SH2D3C: variants seen among roughly 807,000 people sequenced by gnomAD.
SH2D3C encodes SH2 domain containing 3C, also known as SH2 domain-containing protein 3C.
SH2D3C carries 25 observed loss-of-function variants against 75.2 expected under a neutral mutation model. That is an observed-to-expected ratio of 0.33 (90% CI 0.24 to 0.46). The LOEUF (loss-of-function observed/expected upper bound fraction) is 0.46, where lower values mean the gene tolerates loss of function less well. Among genes scored for constraint, SH2D3C ranks in the 20% least tolerant of loss-of-function variants. SH2D3C has a pLI of 1.00. For missense variants in SH2D3C, 933 were observed against 1,165.3 expected (o/e 0.80, Z 2.90); for synonymous variants, 450 against 473.7 (o/e 0.95, Z 0.65).
Position 127,754,569 on chromosome 9 carries a change from A to G in SH2D3C, c.556-3269T>C, listed in dbSNP as rs914464561. Among the ~76,000 whole-genome samples, 4 of 151,978 alleles carry G rather than the reference A, an allele frequency of 2.6e-5. No individual in the cohort carries two copies. Among genetic ancestry groups the G allele is most frequent in the Non-Finnish European group, 5.9e-5 (4 of 67,970 alleles). ...CTGGGCTGGGAGAGACCCGCGCCCC[A>G]GGCATGTCCAAGCCCACCTAGAGGG... On this transcript the variant is annotated intron_variant, in intron 3 of 11. Coordinates refer to ENST00000314830, the MANE Select transcript of SH2D3C (RefSeq NM_170600.3). This position sits in a 1 kb window ranked among gnomAD's most constrained non-coding sequence, Gnocchi z 4.4.
At chr9:127,758,495 G>C (rs1187494445) in intron 3 of SH2D3C, among the ~76,000 whole-genome samples, 1 of 152,162 alleles carries the variant, frequency 6.6e-6, no homozygotes, top group African/African-American at 2.4e-5. Flanking sequence ...ATGGGATGCT[G>C]AAATATGCCC....
intron 2 of SH2D3C, among the ~76,000 whole-genome samples, chr9:127,769,222 G>A (rs1244756552): frequency 6.6e-6 from 1 of 152,150 alleles, no homozygotes; most frequent in Admixed American, 6.5e-5. Context: ...AAATGACAAT[G>A]AATATCATTC....
rs774761867 is a variant in SH2D3C, at chr9:127,773,982, G to C, written c.515+8C>G. On this transcript the variant is annotated splice_region_variant and intron_variant, in intron 2 of 11. Transcript: ENST00000314830. ...CCTGCAGGTCCCAACCAGCCCCTGGGCACCTACCTTTCTGAGTGCACGTCC... is the reference window on the plus strand; with the variant it reads ...CCTGCAGGTCCCAACCAGCCCCTGGCCACCTACCTTTCTGAGTGCACGTCC... 2.0e-5 allele frequency: 31 copies of C among 1,565,944 alleles called. No individual in the cohort carries two copies. The highest frequency in any genetic ancestry group is 2.5e-5 in the Non-Finnish European group (29 of 1,139,088).
intron 2 of SH2D3C, chr9:127,762,358 G>T: frequency 1.5e-6 from 2 of 1,300,004 alleles, no homozygotes; most frequent in Non-Finnish European, 2.0e-6. Flanking sequence ...GCCTGGACCT[G>T]CCCCTCCAAC....
Position 127,767,874 on chromosome 9 carries a change from G to C in SH2D3C, c.515+6116C>G, listed in dbSNP as rs79415543. ...AAGGTCACACAGTCAGTGGGCCTCT[G>C]AGCTACTGCTGTACCTGACCCCTAT... On this transcript the variant is annotated intron_variant, in intron 2 of 11. Transcript: ENST00000314830. Among the ~76,000 whole-genome samples the C allele has an allele frequency of 4.6e-5, 7 of 152,342 alleles. No individual in the cohort carries two copies. The East Asian group carries it at 1.3e-3, about 29-fold the overall frequency.
Position 127,744,689 on chromosome 9 carries a change from G to C in SH2D3C, c.1675C>G (p.Gln559Glu). The C allele has an allele frequency of 2.5e-6, 4 of 1,614,246 alleles. No homozygotes were observed. Among genetic ancestry groups the C allele is most frequent in the Non-Finnish European group, 3.4e-6 (4 of 1,180,050 alleles). ...VTSSFNPATFQSLLIPRDNRP... is the reference protein window; with the variant it reads ...VTSSFNPATFESLLIPRDNRP... ...TTATCCCTGGGGATCAGTAGTGACT[G>C]GAAGGTGGCCGGGTTGAAGGAAGAA... The change falls in exon 7 of 12, where the codon CAG becomes GAG. Residue 559 changes from glutamine (Q) to glutamate (E), a missense_variant. Physicochemically the swap from Gln to Glu is conservative, Grantham distance 29 (BLOSUM62 2). Transcript: ENST00000314830.
rs1322908522 is a variant in SH2D3C, at chr9:127,749,701, G to A, written c.685-36C>T. On this transcript the variant is annotated intron_variant, in intron 4 of 11. Coordinates refer to ENST00000314830, the MANE Select transcript of SH2D3C (RefSeq NM_170600.3). The surrounding 1 kb of genome is among the most constrained non-coding windows in gnomAD (Gnocchi z 5.9). ...CATGGTTAGGCTGGAGTAGGGTGGG[G>A]CCAGGAGAGGGTCAGACCCAGGATC... 2.9e-6 allele frequency: 4 copies of A among 1,388,652 alleles called. No individual in the cohort carries two copies. Among genetic ancestry groups the A allele is most frequent in the East Asian group, 5.0e-5 (2 of 40,154 alleles). 86.0% of individuals were successfully genotyped at this position (1,388,652 alleles called of 1,614,324 possible). A position where few individuals can be genotyped will look rare whatever the true frequency, so the allele number is the denominator to read the frequency against.
At chr9:127,741,375 G>GGATTACA (rs774973489) in intron 9 of SH2D3C, among the ~76,000 whole-genome samples, 33 of 151,650 alleles carry the variant, frequency 2.2e-4, no homozygotes, top group Middle Eastern at 3.4e-3. Context: ...CGAGTAGCTG[G>GGATTACA]GATTACAGGT....
chr9:127,749,987 C>T lies in SH2D3C; in HGVS notation c.685-322G>A, dbSNP rs1043235511. On this transcript the variant is annotated intron_variant, in intron 4 of 11. Coordinates refer to ENST00000314830, the MANE Select transcript of SH2D3C (RefSeq NM_170600.3). This position sits in a 1 kb window ranked among gnomAD's most constrained non-coding sequence, Gnocchi z 5.9. ...GTGACCTGAGACCCAGGTCTCAGACCCATCCCTTCTCAGGGTTCCGGTTGG... is the reference window on the plus strand; with the variant it reads ...GTGACCTGAGACCCAGGTCTCAGACTCATCCCTTCTCAGGGTTCCGGTTGG... Among the ~76,000 whole-genome samples the T allele has an allele frequency of 3.9e-5, 6 of 151,954 alleles. No individual in the cohort carries two copies. The highest frequency in any genetic ancestry group is 1.5e-4 in the African/African-American group (6 of 41,348).
At chr9:127,778,442 A>C (rs1829077220) in intron 1 of SH2D3C, 149 bp downstream of exon 1, 2 of 694,216 alleles carry the variant, frequency 2.9e-6, no homozygotes, top group Admixed American at 2.2e-5. Flanking sequence ...GGTGACAGAG[A>C]CGCTGGTGTC....
In SH2D3C at chr9:127,739,770, C is replaced by T; in HGVS notation, c.2319G>A (p.Val773=). Residue 773 remains valine, a synonymous_variant, in exon 11 of 12, where the codon GTG becomes GTA. Coordinates refer to ENST00000314830, the MANE Select transcript of SH2D3C (RefSeq NM_170600.3). The surrounding 1 kb of genome is among the most constrained non-coding windows in gnomAD (Gnocchi z 4.3). ...PEPWGSTEHG[V]EVVLAHLEAA... is the part of the protein sequence containing the mutation. ...CCTCCAGGTGAGCCAGCACCACCTC[C>T]ACGCCGTGCTCCGTGCTGCCCCAGG... is the stretch of plus-strand genomic sequence containing the variant. The T allele has an allele frequency of 3.1e-6, 5 of 1,606,198 alleles. No homozygotes were observed. Among genetic ancestry groups the T allele is most frequent in the Non-Finnish European group, 4.2e-6 (5 of 1,177,402 alleles).
At chr9:127,773,868 G>T in intron 2 of SH2D3C, 122 bp downstream of exon 2, 2 of 630,492 alleles carry the variant, frequency 3.2e-6, no homozygotes, top group Admixed American at 5.9e-5. Context: ...CAGTGAACCG[G>T]GATCACACCA....
Position 127,747,180 on chromosome 9 carries a change from A to G in SH2D3C, c.1231T>C (p.Ser411Pro). 19 of 1,614,028 alleles carry G rather than the reference A, an allele frequency of 1.2e-5. No homozygotes were observed. Among genetic ancestry groups the G allele is most frequent in the Non-Finnish European group, 1.6e-5 (19 of 1,180,006 alleles). Residue 411 changes from serine to proline, a missense_variant, in exon 6 of 12, where the codon TCC becomes CCC. Physicochemically the swap from Ser to Pro is moderately conservative, Grantham distance 74. Coordinates refer to ENST00000314830, the MANE Select transcript of SH2D3C (RefSeq NM_170600.3). The part of the protein sequence containing the change: ...PDLHSPMSPI[S>P]ESPSSPAYST... ...TAGGCAGGGGAGCTAGGGCTCTCGG[A>G]GATGGGCGACATGGGTGAGTGCAGG...
chr9:127,741,797 G>A lies in SH2D3C; in HGVS notation c.2079C>T (p.Asp693=). Residue 693 remains aspartate (D), a synonymous_variant, in exon 9 of 12, where the codon GAC becomes GAT. Coordinates refer to ENST00000314830, the MANE Select transcript of SH2D3C (RefSeq NM_170600.3). ...GCGCGGCTCTCAGTACCTGGGCCAT[G>A]TCCAGGGCACCCATGACCGCCGCGA... ...FSFAAVMGAL[D]MAQISRLEQT... is the part of the protein sequence containing the mutation. 1.9e-6 allele frequency: 3 copies of A among 1,613,084 alleles called. No individual in the cohort carries two copies. The highest frequency in any genetic ancestry group is 2.5e-6 in the Non-Finnish European group (3 of 1,179,920).
chr9:127,772,948 C>T (rs1845759758), intron 2 of SH2D3C, among the ~76,000 whole-genome samples: 1 of 152,064 alleles, frequency 6.6e-6, no homozygotes, highest in Non-Finnish European at 1.5e-5. Flanking sequence ...ATTCTCGTGC[C>T]TCCACCTCCT....
intron 3 of SH2D3C, among the ~76,000 whole-genome samples, chr9:127,760,422 G>A (rs1335849028): frequency 1.3e-5 from 2 of 152,050 alleles, no homozygotes; most frequent in African/African-American, 2.4e-5. Flanking sequence ...AAGTAACTGT[G>A]GTTTTCACCA....
At position 127,754,974 on chromosome 9, in the gene SH2D3C, C is replaced by A; in HGVS notation, c.556-3674G>T. On this transcript the variant is annotated intron_variant, in intron 3 of 11. Coordinates refer to ENST00000314830, the MANE Select transcript of SH2D3C (RefSeq NM_170600.3). The surrounding 1 kb of genome is among the most constrained non-coding windows in gnomAD (Gnocchi z 4.4). Reference sequence around the variant, plus strand: ...CGGGCCCAGCCCAGCCCGACCCTGCCGGGCGCCGCTGAGCTGCAGCTCCCC... The same window carrying A: ...CGGGCCCAGCCCAGCCCGACCCTGCAGGGCGCCGCTGAGCTGCAGCTCCCC... The A allele has an allele frequency of 1.8e-6, 1 of 544,230 alleles. No individual in the cohort carries two copies. Among genetic ancestry groups the A allele is most frequent in the South Asian group, 2.6e-5 (1 of 39,056 alleles). 33.7% of individuals were successfully genotyped at this position (544,230 alleles called of 1,614,324 possible).
intron 3 of SH2D3C, among the ~76,000 whole-genome samples, chr9:127,759,931 C>G (rs1470557134): frequency 1.3e-5 from 2 of 149,234 alleles, no homozygotes; most frequent in African/African-American, 2.5e-5. Context: ...TGCAGTGAGC[C>G]AAAATCGCAC....
Position 127,751,080 on chromosome 9 carries a change from G to C in SH2D3C, c.684+92C>G. On this transcript the variant is annotated intron_variant, in intron 4 of 11. Transcript: ENST00000314830. This position sits in a 1 kb window ranked among gnomAD's most constrained non-coding sequence, Gnocchi z 4.1. ...ATTGAATCCACCAAGCAACAGGTCA[G>C]AGCCTCCCAGGTGGCTGCAGCCAGG... is the stretch of plus-strand genomic sequence containing the variant. 2 of 1,284,316 alleles carry C rather than the reference G, an allele frequency of 1.6e-6. No homozygotes were observed. The highest frequency in any genetic ancestry group is 2.2e-6 in the Non-Finnish European group (2 of 899,036). 79.6% of individuals were successfully genotyped at this position (1,284,316 alleles called of 1,614,324 possible).
Sources: allele counts gnomAD v4.1 joint callset (sites outside exome capture counted in the v4.1 genomes callset), GRCh38; gene constraint gnomAD v4.1.1; non-coding constraint Gnocchi (gnomAD v3.1); transcripts MANE v1.5; gene names NCBI Gene and HGNC (gene_info 2026-07-23, HGNC 2026-07-21).